The following SMAD2 variants were observed in gnomAD, a reference collection of about 807,000 sequenced individuals.
The protein encoded by SMAD2 is SMAD family member 2, also known as MAD homolog 2.
A neutral mutation model predicts 64.4 loss-of-function variants in SMAD2; 8 were observed. That is an observed-to-expected ratio of 0.12 (90% CI 0.07 to 0.22). The LOEUF (loss-of-function observed/expected upper bound fraction) is 0.22, where lower values mean the gene tolerates loss of function less well. SMAD2 is among the 10% of genes least tolerant of loss of function. The pLI is 1.00. For synonymous variants in SMAD2, 203 were observed against 195.8 expected (o/e 1.04, Z -0.31); for missense variants, 289 against 561.2 (o/e 0.51, Z 4.90).
rs904109085 is a variant in SMAD2 at position 47,828,789 on chromosome 18, C to T, written c.*13038G>A. 4 of 182,282 alleles carry T rather than the reference C, an allele frequency of 2.2e-5. No homozygotes were observed. Among genetic ancestry groups the T allele is most frequent in the African/African-American group, 7.2e-5 (3 of 41,810 alleles). The allele number at this position is 182,282 out of a possible 1,614,324, so 11.3% of individuals were successfully genotyped here. ...AATCTCAAGTACCCAGGGACACAAACACTGCAGAAGGCCGCAGGGTCCTCT... is the reference window on the plus strand; with the variant it reads ...AATCTCAAGTACCCAGGGACACAAATACTGCAGAAGGCCGCAGGGTCCTCT... On this transcript the variant is annotated 3_prime_UTR_variant, in exon 11 of 11. Coordinates refer to ENST00000262160, the MANE Select transcript of SMAD2 (RefSeq NM_005901.6).
rs1221585986 is a variant in SMAD2 at position 47,869,252 on chromosome 18, C to G, written c.511G>C (p.Glu171Gln). 1.2e-6 allele frequency: 2 copies of G among 1,612,762 alleles called. No individual in the cohort carries two copies. Among genetic ancestry groups the G allele is most frequent in the Non-Finnish European group, 1.7e-6 (2 of 1,179,068 alleles). Residue 171 changes from glutamate (E) to glutamine (Q), a missense_variant, in exon 4 of 11, where the codon GAG becomes CAG. Physicochemically the swap from Glu to Gln is conservative, Grantham distance 29. Coordinates refer to ENST00000262160, the MANE Select transcript of SMAD2 (RefSeq NM_005901.6). ...CTTGCAATATTCCTACCTGGTGTCT[C>G]AACTCTCTGATAGTGGTAAGGGTTT... is the stretch of plus-strand genomic sequence containing the variant. ...CVNPYHYQRVETPVLPPVLVP... is the reference protein window; with the variant it reads ...CVNPYHYQRVQTPVLPPVLVP...
intron 8 of SMAD2, among the ~76,000 whole-genome samples, chr18:47,847,818 A>T (rs1295079627): frequency 6.6e-6 from 1 of 152,018 alleles, no homozygotes; most frequent in Non-Finnish European, 1.5e-5. Flanking sequence ...ATATGCATGT[A>T]GGCTCTGGAA....
rs550193010 is a variant in SMAD2 at position 47,808,964 on chromosome 18, C to A, written c.*32863G>T. 1 of 152,342 alleles carries A rather than the reference C, an allele frequency of 6.6e-6. No homozygotes were observed. Among genetic ancestry groups the A allele is most frequent in the East Asian group, 1.9e-4 (1 of 5,182 alleles). The allele number at this position is 152,342 out of a possible 1,614,324, so 9.4% of individuals were successfully genotyped here. On this transcript the variant is annotated 3_prime_UTR_variant, in exon 11 of 11. Coordinates refer to ENST00000262160, the MANE Select transcript of SMAD2 (RefSeq NM_005901.6). Reference sequence around the variant, plus strand: ...GAAAAGCAGTCTCGTTGCTTCATTTCCACCTTTATTCTTTATTACCAACAC... The same window carrying A: ...GAAAAGCAGTCTCGTTGCTTCATTTACACCTTTATTCTTTATTACCAACAC...
intron 2 of SMAD2, among the ~76,000 whole-genome samples, 158 bp downstream of exon 2, chr18:47,896,363 A>C (rs2033439401): frequency 6.6e-6 from 1 of 152,242 alleles, no homozygotes; most frequent in Non-Finnish European, 1.5e-5. Context: ...ATAATTTATA[A>C]AACAAGTCAG....
At chr18:47,905,883 AG>A (rs2033882262) in intron 1 of SMAD2, among the ~76,000 whole-genome samples, 2 of 152,110 alleles carry the variant, frequency 1.3e-5, no homozygotes, top group Non-Finnish European at 2.9e-5. Context: ...AGGCCAAAAT[AG>A]GAGGACTGCT....
At chr18:47,922,539 T>A (rs1051097069) in intron 1 of SMAD2, 3 of 152,180 alleles carry the variant, frequency 2.0e-5, no homozygotes, top group Admixed American at 6.5e-5. Context: ...ATAAAACAAA[T>A]TCTACACCAT....
chr18:47,910,364 T>C lies in SMAD2; in HGVS notation c.-53-13555A>G, dbSNP rs376084429. ...AGCAGTGCCAGAAAACAAATTGACA[T>C]AGGACAATCTAGCTATATATAATAT... On this transcript the variant is annotated intron_variant, in intron 1 of 10. Coordinates refer to ENST00000262160, the MANE Select transcript of SMAD2 (RefSeq NM_005901.6). Among the ~76,000 whole-genome samples, 7 of 135,922 alleles carry C rather than the reference T, an allele frequency of 5.2e-5. No individual in the cohort carries two copies. In the East Asian group the frequency reaches 1.8e-3, roughly 34 times the overall value. The allele number at this position is 135,922 out of a possible 152,430, so 89.2% of individuals were successfully genotyped here.
At chr18:47,913,091 TTG>T (rs1481836222) in intron 1 of SMAD2, among the ~76,000 whole-genome samples, 1 of 152,134 alleles carries the variant, frequency 6.6e-6, no homozygotes, top group East Asian at 1.9e-4. Context: ...GGCTAATTTT[TTG>T]TGTTTTTAGT....
intron 2 of SMAD2, among the ~76,000 whole-genome samples, chr18:47,888,520 T>G (rs1259132830): frequency 6.6e-6 from 1 of 152,198 alleles, no homozygotes; most frequent in East Asian, 1.9e-4. Context: ...AATCTCCCAG[T>G]GTTTCAGGGG....
At chr18:47,863,113 G>C (rs1479004111) in intron 6 of SMAD2, among the ~76,000 whole-genome samples, 4 of 152,182 alleles carry the variant, frequency 2.6e-5, no homozygotes, top group Non-Finnish European at 5.9e-5. Flanking sequence ...TATGAAAGAT[G>C]AATTTAATTA....
At chr18:47,889,419 G>A (rs2033074124) in intron 2 of SMAD2, among the ~76,000 whole-genome samples, 1 of 151,904 alleles carries the variant, frequency 6.6e-6, no homozygotes, top group Non-Finnish European at 1.5e-5. Flanking sequence ...GACATTTTGG[G>A]CTGGATGGTA....
In SMAD2 at chr18:47,819,402, A is replaced by G. The variant is rs931431820; in HGVS notation, c.*22425T>C. On this transcript the variant is annotated 3_prime_UTR_variant, in exon 11 of 11. Coordinates refer to ENST00000262160, the MANE Select transcript of SMAD2 (RefSeq NM_005901.6). ...ACATATTTCATTTTTATGGTTCTTAATTGAACACATGATACTCACAGGTAA... is the reference window on the plus strand; with the variant it reads ...ACATATTTCATTTTTATGGTTCTTAGTTGAACACATGATACTCACAGGTAA... 2.0e-5 allele frequency: 3 copies of G among 152,242 alleles called. No homozygotes were observed. The highest frequency in any genetic ancestry group is 2.1e-4 in the South Asian group (1 of 4,834). 9.4% of individuals were successfully genotyped at this position (152,242 alleles called of 1,614,324 possible). A position where few individuals can be genotyped will look rare whatever the true frequency, so the allele number is the denominator to read the frequency against.
intron 1 of SMAD2, among the ~76,000 whole-genome samples, chr18:47,912,972 T>C (rs1323683711): frequency 2.0e-5 from 3 of 148,808 alleles, no homozygotes; most frequent in Non-Finnish European, 3.0e-5. Context: ...CAGGTTGGAG[T>C]GCAATGGCGT....
Position 47,832,894 on chromosome 18 carries a change from C to CG in SMAD2, c.*8932dup, listed in dbSNP as rs777915672. 9.0e-5 allele frequency: 14 copies of CG among 155,372 alleles called. No individual in the cohort carries two copies. Among genetic ancestry groups the CG allele is most frequent in the Non-Finnish European group, 2.0e-4 (14 of 70,224 alleles). The allele number at this position is 155,372 out of a possible 1,614,324, so 9.6% of individuals were successfully genotyped here. ...TATTAAGTAGTATAAATTTATCTCC[C>CG]GGGGGGATAGGATAATCTTTTATGT... On this transcript the variant is annotated 3_prime_UTR_variant, in exon 11 of 11. Transcript: ENST00000262160.
intron 1 of SMAD2, among the ~76,000 whole-genome samples, chr18:47,898,818 A>T (rs1157655111): frequency 6.6e-6 from 1 of 151,872 alleles, no homozygotes; most frequent in Non-Finnish European, 1.5e-5. Context: ...GTCAGGAAAG[A>T]TTTTCCTGAG....
chr18:47,859,961 C>A (rs773311593), intron 6 of SMAD2, among the ~76,000 whole-genome samples: 3 of 152,098 alleles, frequency 2.0e-5, no homozygotes, highest in Non-Finnish European at 2.9e-5. Flanking sequence ...CTGGTGAAAT[C>A]CTATCTCTAA....
rs137876290 is a variant in SMAD2, at chr18:47,830,821, T to C, written c.*11006A>G. On this transcript the variant is annotated 3_prime_UTR_variant, in exon 11 of 11. Coordinates refer to ENST00000262160, the MANE Select transcript of SMAD2 (RefSeq NM_005901.6). ...CGTACTCTCAATGGAGAATCGCTGT[T>C]GGGCAGTGGTTAAGGCCTCTGATTT... is the stretch of plus-strand genomic sequence containing the variant. The C allele has an allele frequency of 8.9e-5, 14 of 157,034 alleles. No homozygotes were observed. In the East Asian group the frequency reaches 1.9e-3, roughly 21 times the overall value. The allele number at this position is 157,034 out of a possible 1,614,324, so 9.7% of individuals were successfully genotyped here.
intron 2 of SMAD2, among the ~76,000 whole-genome samples, chr18:47,888,494 C>T (rs946764235): frequency 2.0e-5 from 3 of 152,106 alleles, no homozygotes; most frequent in African/African-American, 4.8e-5. Context: ...CCTCATACTT[C>T]GAAAAAGTAG....
rs952753657 is a variant in SMAD2 at position 47,836,484 on chromosome 18, T to G, written c.*5343A>C. The G allele has an allele frequency of 3.6e-5, 8 of 220,478 alleles. No individual in the cohort carries two copies. Among genetic ancestry groups the G allele is most frequent in the Admixed American group, 2.3e-4 (4 of 17,374 alleles). The allele number at this position is 220,478 out of a possible 1,614,324, so 13.7% of individuals were successfully genotyped here. A position where few individuals can be genotyped will look rare whatever the true frequency, so the allele number is the denominator to read the frequency against. ...AGAAAATTAATGTACTCCAATGGTCTGTCCATGAAAGGAAAATGTACACAG... is the reference window on the plus strand; with the variant it reads ...AGAAAATTAATGTACTCCAATGGTCGGTCCATGAAAGGAAAATGTACACAG... On this transcript the variant is annotated 3_prime_UTR_variant, in exon 11 of 11. Coordinates refer to ENST00000262160, the MANE Select transcript of SMAD2 (RefSeq NM_005901.6).
Sources: allele counts gnomAD v4.1 joint callset (sites outside exome capture counted in the v4.1 genomes callset), GRCh38; gene constraint gnomAD v4.1.1; transcripts MANE v1.5; gene names NCBI Gene and HGNC (gene_info 2026-07-23, HGNC 2026-07-21).